Variants in SHQ1 observed in about 807,000 individuals in gnomAD.
SHQ1 encodes the protein protein SHQ1 homolog.
Under a neutral mutation model 53.8 loss-of-function variants are expected in SHQ1, and 49 were observed. The ratio of observed to expected loss-of-function variants is 0.91; its 90% CI spans 0.72 to 1.16. SHQ1 has a LOEUF of 1.16. SHQ1 is among the 50% of genes most tolerant of loss of function. The pLI, the probability that SHQ1 is intolerant of heterozygous loss-of-function variation, is 0.00. For synonymous variants in SHQ1, 243 were observed against 251.0 expected (o/e 0.97, Z 0.30); for missense variants, 738 against 683.1 (o/e 1.08, Z -0.90).
In SHQ1 at chr3:72,750,268, TA is replaced by T; in HGVS notation, c.*15del. On this transcript the variant is annotated 3_prime_UTR_variant, in exon 11 of 11. Coordinates refer to ENST00000325599, the MANE Select transcript of SHQ1 (RefSeq NM_018130.3). Reference sequence around the variant, plus strand: ...ATCTACCATATTTCTCAACAATGAATAAAACCACCTAAGAGTCAATTATTTG... The same window carrying T: ...ATCTACCATATTTCTCAACAATGAATAAACCACCTAAGAGTCAATTATTTG... 6.4e-7 allele frequency: 1 copy of T among 1,559,258 alleles called. No homozygotes were observed. The highest frequency in any genetic ancestry group is 2.2e-5 in the East Asian group (1 of 44,472).
chr3:72,819,093 G>C (rs1442011183), intron 6 of SHQ1, among the ~76,000 whole-genome samples: 1 of 152,198 alleles, frequency 6.6e-6, no homozygotes, highest in Admixed American at 6.5e-5. Context: ...TGGAAACTGA[G>C]ATCATGAATG....
chr3:72,840,560 C>CAAAA (rs572046519), intron 4 of SHQ1, among the ~76,000 whole-genome samples: 23 of 97,372 alleles, frequency 2.4e-4, no homozygotes, highest in Non-Finnish European at 3.8e-4. Context: ...GACTCCGTCT[C>CAAAA]AAAAAAAAAA....
intron 4 of SHQ1, among the ~76,000 whole-genome samples, chr3:72,833,485 GATA>G (rs1255286084): frequency 8.1e-4 from 69 of 85,436 alleles, no homozygotes; most frequent in African/African-American, 2.6e-3. Flanking sequence ...TAGATAGATA[GATA>G]GATAGATAGA....
downstream of SHQ1, among the ~76,000 whole-genome samples, chr3:72,744,950 T>G (rs1448363336): frequency 6.6e-6 from 1 of 151,860 alleles, no homozygotes; most frequent in African/African-American, 2.4e-5. Flanking sequence ...TTCTGCATCT[T>G]TAAGGATTTT....
rs188424455 is a variant in SHQ1, at chr3:72,834,079, T to G, written c.487-1598A>C. Among the ~76,000 whole-genome samples the G allele has an allele frequency of 3.9e-5, 6 of 152,356 alleles. No homozygotes were observed. The East Asian group carries it at 1.2e-3, about 29-fold the overall frequency. On this transcript the variant is annotated intron_variant, in intron 4 of 10. Transcript: ENST00000325599. Reference sequence around the variant, plus strand: ...CAAATGTGAGCAATGCTGAATCAGTTAGAGATAGGATAGAGCCTCTCCAAT... The same window carrying G: ...CAAATGTGAGCAATGCTGAATCAGTGAGAGATAGGATAGAGCCTCTCCAAT...
At chr3:72,742,557 GA>G in the SHQ1 span, among the ~76,000 whole-genome samples, 1 of 151,496 alleles carries the variant, frequency 6.6e-6, no homozygotes, top group East Asian at 1.9e-4. Context: ...GAAAAATAGA[GA>G]AACTGAAAAG....
At position 72,840,169 on chromosome 3, in the gene SHQ1, T is replaced by C. The variant is rs1191536480; in HGVS notation, c.486+876A>G. ...TGGGAGGCTGAGGCAGGACAATCACTTGGACCCGGGAGGCAGAGGTTGCAG... is the reference window on the plus strand; with the variant it reads ...TGGGAGGCTGAGGCAGGACAATCACCTGGACCCGGGAGGCAGAGGTTGCAG... On this transcript the variant is annotated intron_variant, in intron 4 of 10. Coordinates refer to ENST00000325599, the MANE Select transcript of SHQ1 (RefSeq NM_018130.3). 2.1e-5 allele frequency among the ~76,000 whole-genome samples: 3 copies of C among 144,608 alleles called. No homozygotes were observed. In the Admixed American group the frequency reaches 2.1e-4, roughly 10 times the overall value. The allele number at this position is 144,608 out of a possible 152,430, so 94.9% of individuals were successfully genotyped here.
chr3:72,823,148 CAAAA>C (rs772618429), intron 6 of SHQ1, among the ~76,000 whole-genome samples: 10 of 76,268 alleles, frequency 1.3e-4, no homozygotes, highest in Non-Finnish European at 2.4e-4. Context: ...GACTCCGTCT[CAAAA>C]AAAAAAAAAA....
At chr3:72,733,825 C>T in the SHQ1 span, among the ~76,000 whole-genome samples, 1 of 151,476 alleles carries the variant, frequency 6.6e-6, no homozygotes, top group East Asian at 1.9e-4. Flanking sequence ...TTGCCAATGC[C>T]AACACTTAAT....
rs991337724 is a variant in SHQ1, at chr3:72,749,839, A to C, written c.*445T>G. The C allele has an allele frequency of 1.8e-5, 4 of 224,624 alleles. No individual in the cohort carries two copies. The highest frequency in any genetic ancestry group is 8.9e-5 in the African/African-American group (4 of 44,804). The allele number at this position is 224,624 out of a possible 1,614,324, so 13.9% of individuals were successfully genotyped here. A position where few individuals can be genotyped will look rare whatever the true frequency, so the allele number is the denominator to read the frequency against. ...AAGGTATAAACATTCATTGGTTGAA[A>C]AACAATGTCATAAAGTTGTCCCCGT... On this transcript the variant is annotated 3_prime_UTR_variant, in exon 11 of 11. Transcript: ENST00000325599.
At position 72,815,332 on chromosome 3, in the gene SHQ1, T is replaced by C. The variant is rs1707278376; in HGVS notation, c.936+18A>G. On this transcript the variant is annotated intron_variant, in intron 8 of 10. Transcript: ENST00000325599. ...TCCTGAACAACAAATTCTAAACAAT[T>C]GCAACTGGAAATCATACCTCAAACC... 1 of 1,608,042 alleles carries C rather than the reference T, an allele frequency of 6.2e-7. No homozygotes were observed. Among genetic ancestry groups the C allele is most frequent in the African/African-American group, 1.3e-5 (1 of 74,794 alleles).
At chr3:72,828,291 A>G (rs1707723631) in intron 5 of SHQ1, among the ~76,000 whole-genome samples, 1 of 152,250 alleles carries the variant, frequency 6.6e-6, no homozygotes, top group South Asian at 2.1e-4. Context: ...GGGCAAGTGC[A>G]TGGAAGAAAC....
At chr3:72,726,186 G>A in the SHQ1 span, among the ~76,000 whole-genome samples, 1 of 152,150 alleles carries the variant, frequency 6.6e-6, no homozygotes, top group Non-Finnish European at 1.5e-5. Context: ...CTGTTCCAAG[G>A]CCACCAGCCT....
intron 10 of SHQ1, among the ~76,000 whole-genome samples, chr3:72,777,746 C>T (rs552606663): frequency 1.7e-4 from 26 of 152,228 alleles, no homozygotes; most frequent in Admixed American, 5.2e-4. Flanking sequence ...CCATGAAACA[C>T]GTATAGTGAT....
chr3:72,741,848 ATATAG>A, the SHQ1 span, among the ~76,000 whole-genome samples: 5 of 152,208 alleles, frequency 3.3e-5, no homozygotes, highest in East Asian at 1.9e-4. Context: ...TTTAAAAATA[ATATAG>A]TATACTAACA....
intron 10 of SHQ1, chr3:72,753,651 A>C: frequency 1.0e-6 from 1 of 985,392 alleles, no homozygotes; most frequent in Non-Finnish European, 1.2e-6. Context: ...CAGAGCGCTT[A>C]GAGAAAGGGA....
the SHQ1 span, among the ~76,000 whole-genome samples, chr3:72,728,938 G>A: frequency 1.3e-5 from 2 of 152,184 alleles, no homozygotes; most frequent in African/African-American, 2.4e-5. Context: ...TTGGATTCTC[G>A]CTGCTACTGA....
intron 10 of SHQ1, among the ~76,000 whole-genome samples, chr3:72,790,029 CT>C (rs1189323108): frequency 6.6e-6 from 1 of 152,196 alleles, no homozygotes; most frequent in Non-Finnish European, 1.5e-5. Flanking sequence ...CTTTCTAAGG[CT>C]GCCAACCACA....
intron 10 of SHQ1, among the ~76,000 whole-genome samples, chr3:72,751,496 G>GTACACATATATATATA (rs1372925082): frequency 5.1e-5 from 6 of 117,120 alleles, no homozygotes; most frequent in Non-Finnish European, 1.0e-4. Context: ...GTGTGTGTGT[G>GTACACATATATATATA]TGTGTGTGTG....
Sources: allele counts gnomAD v4.1 joint callset (sites outside exome capture counted in the v4.1 genomes callset), GRCh38; gene constraint gnomAD v4.1.1; transcripts MANE v1.5; gene names NCBI Gene and HGNC (gene_info 2026-07-23, HGNC 2026-07-21).